Variants in ACER3 observed in about 807,000 individuals in gnomAD.
The protein encoded by ACER3 is alkaline ceramidase 3, also known as alkCDase 3.
ACER3 carries 16 observed loss-of-function variants against 48.9 expected under a neutral mutation model. The observed-to-expected ratio is 0.33, with a 90% CI of 0.22 to 0.50. The LOEUF (loss-of-function observed/expected upper bound fraction) is 0.50, where lower values mean the gene tolerates loss of function less well. Among genes scored for constraint, ACER3 ranks in the 20% least tolerant of loss-of-function variants. The probability of loss-of-function intolerance (pLI) is 0.98; values close to 1 mark genes in which losing one functional copy is unlikely to be tolerated. For synonymous variants in ACER3, 109 were observed against 107.8 expected (o/e 1.01, Z -0.07); for missense variants, 227 against 326.0 (o/e 0.70, Z 2.34).
At chr11:76,936,610 T>C (rs1423764910) in intron 2 of ACER3, among the ~76,000 whole-genome samples, 1 of 151,988 alleles carries the variant, frequency 6.6e-6, no homozygotes, top group African/African-American at 2.4e-5. Flanking sequence ...CGCTTTTGCA[T>C]GACAAAAAAT....
At chr11:77,019,198 C>T (rs1591076218) in intron 9 of ACER3, among the ~76,000 whole-genome samples, 1 of 152,196 alleles carries the variant, frequency 6.6e-6, no homozygotes, top group Non-Finnish European at 1.5e-5. Flanking sequence ...CGGTGGCTCA[C>T]GCCTGTAATC....
At chr11:76,991,855 C>T (rs532682264) in intron 6 of ACER3, among the ~76,000 whole-genome samples, 17 of 151,074 alleles carry the variant, frequency 1.1e-4, no homozygotes, top group Non-Finnish European at 1.5e-5. Flanking sequence ...AAGACATCCT[C>T]ACTTTCTTGT....
intron 1 of ACER3, among the ~76,000 whole-genome samples, chr11:76,861,552 C>T (rs1271216325): frequency 6.6e-6 from 1 of 152,160 alleles, no homozygotes; most frequent in African/African-American, 2.4e-5. Context: ...TACCGTCTTT[C>T]CCTTCCCTTT....
At chr11:76,908,484 A>T (rs779619386) in intron 1 of ACER3, among the ~76,000 whole-genome samples, 1 of 152,008 alleles carries the variant, frequency 6.6e-6, no homozygotes, top group Non-Finnish European at 1.5e-5. Flanking sequence ...TCATGAGGGA[A>T]CTCCCATTCA....
intron 2 of ACER3, among the ~76,000 whole-genome samples, chr11:76,943,480 TG>T (rs1947391382): frequency 6.6e-6 from 1 of 152,074 alleles, no homozygotes; most frequent in South Asian, 2.1e-4. Context: ...AGAGTTCCTT[TG>T]GTAGTGATTT....
chr11:77,007,480 T>G (rs1157950116), intron 7 of ACER3, among the ~76,000 whole-genome samples: 1 of 152,132 alleles, frequency 6.6e-6, no homozygotes, highest in Non-Finnish European at 1.5e-5. Flanking sequence ...AGTTGGGAGC[T>G]CCCTCTCCCT....
At chr11:76,871,534 G>C (rs910792750) in intron 1 of ACER3, among the ~76,000 whole-genome samples, 13 of 152,194 alleles carry the variant, frequency 8.5e-5, no homozygotes, top group African/African-American at 2.4e-4. Context: ...GGTTGAAAGA[G>C]TTAAGTTATT....
intron 3 of ACER3, among the ~76,000 whole-genome samples, chr11:76,971,505 ACTC>A (rs553771176): frequency 6.6e-6 from 1 of 151,522 alleles, no homozygotes; most frequent in Non-Finnish European, 1.5e-5. Context: ...GCGCCACTGC[ACTC>A]CTCCTGGTGA....
At chr11:76,884,458 C>T (rs1945622793) in intron 1 of ACER3, among the ~76,000 whole-genome samples, 1 of 125,068 alleles carries the variant, frequency 8.0e-6, no homozygotes, top group African/African-American at 6.1e-5. Flanking sequence ...AGTAAAAGTC[C>T]CCCAAATCAT....
At chr11:76,878,652 T>C (rs1031035737) in intron 1 of ACER3, among the ~76,000 whole-genome samples, 1 of 152,114 alleles carries the variant, frequency 6.6e-6, no homozygotes, top group Non-Finnish European at 1.5e-5. Flanking sequence ...ACAAGTCTTT[T>C]TGTGAATGTA....
intron 10 of ACER3, 132 bp downstream of exon 10, chr11:77,019,908 A>G: frequency 1.1e-6 from 1 of 907,588 alleles, no homozygotes; most frequent in South Asian, 1.5e-5. Flanking sequence ...AAAGGCTGTG[A>G]ATCTTTCATT....
chr11:76,949,793 C>T (rs2134974469), intron 2 of ACER3, among the ~76,000 whole-genome samples: 1 of 152,328 alleles, frequency 6.6e-6, no homozygotes, highest in Middle Eastern at 3.4e-3. Flanking sequence ...CTGCCTACCT[C>T]TTTCTATTCA....
At chr11:77,013,212 CAAAG>C (rs1949303276) in intron 7 of ACER3, among the ~76,000 whole-genome samples, 2 of 151,940 alleles carry the variant, frequency 1.3e-5, no homozygotes, top group Non-Finnish European at 2.9e-5. Flanking sequence ...TTTGGTTCGG[CAAAG>C]ATTTATTAAT....
intron 2 of ACER3, among the ~76,000 whole-genome samples, chr11:76,955,245 G>A (rs74551772): frequency 0.058 from 8,775 of 152,158 alleles, 348 homozygotes; most frequent in Middle Eastern, 0.092. Context: ...TCACTCCAAA[G>A]TATATATGAA....
chr11:76,925,177 G>A (rs532200789), intron 1 of ACER3, among the ~76,000 whole-genome samples: 5 of 152,200 alleles, frequency 3.3e-5, no homozygotes, highest in South Asian at 4.1e-4. Flanking sequence ...CATTGTAAAA[G>A]AAAGAACGAT....
intron 1 of ACER3, among the ~76,000 whole-genome samples, chr11:76,862,392 T>A (rs544974260): frequency 1.1e-4 from 17 of 152,208 alleles, no homozygotes; most frequent in Non-Finnish European, 2.2e-4. Flanking sequence ...ATTAAATTAA[T>A]AATTTTTACA....
intron 6 of ACER3, chr11:76,998,481 G>A: frequency 3.6e-6 from 1 of 279,188 alleles, no homozygotes; most frequent in Non-Finnish European, 6.5e-6. Flanking sequence ...ATTTGTTCAG[G>A]TTTCAGCAGA....
chr11:76,988,282 A>G (rs1948726891), intron 5 of ACER3, among the ~76,000 whole-genome samples: 1 of 152,232 alleles, frequency 6.6e-6, no homozygotes, highest in Admixed American at 6.5e-5. Flanking sequence ...GCACATATGC[A>G]CTATTTACTT....
chr11:77,017,858 G>A (rs1306185823), intron 9 of ACER3, among the ~76,000 whole-genome samples: 3 of 150,302 alleles, frequency 2.0e-5, no homozygotes, highest in African/African-American at 7.3e-5. Context: ...TCATGTTTCT[G>A]TGTCTTATTT....
Sources: allele counts gnomAD v4.1 joint callset (sites outside exome capture counted in the v4.1 genomes callset), GRCh38; gene constraint gnomAD v4.1.1; transcripts MANE v1.5; gene names NCBI Gene and HGNC (gene_info 2026-07-23, HGNC 2026-07-21).